Variants in MAP2 observed in about 807,000 individuals in gnomAD.
The protein encoded by MAP2 is microtubule associated protein 2.
MAP2 carries 14 observed loss-of-function variants against 137.6 expected under a neutral mutation model. The ratio of observed to expected loss-of-function variants is 0.10; its 90% CI spans 0.07 to 0.16. MAP2 has a LOEUF of 0.16. Ranked by LOEUF, MAP2 falls within the 10% of genes least tolerant of loss-of-function variation. The pLI is 1.00. For synonymous variants in MAP2, 786 were observed against 782.3 expected, an observed-to-expected ratio of 1.00 and a Z score of -0.08; for missense variants, 2,088 against 2,191.5, an observed-to-expected ratio of 0.95 and a Z score of 0.94.
rs532389821 is a variant in MAP2 at position 209,569,324 on chromosome 2, G to C, written c.-171-10712G>C. 6.6e-5 allele frequency among the ~76,000 whole-genome samples: 10 copies of C among 151,780 alleles called. No homozygotes were observed. In the East Asian group the frequency reaches 1.2e-3, roughly 18 times the overall value. On this transcript the variant is annotated intron_variant, in intron 2 of 15. Transcript: ENST00000682079. ...TTAATGTTTTAATTTCAGTGTTTCA[G>C]TGTTCATGCATGCATGAATGAATAT...
chr2:209,685,759 A>G (rs1008364750), intron 7 of MAP2, among the ~76,000 whole-genome samples: 4 of 152,190 alleles, frequency 2.6e-5, no homozygotes, highest in African/African-American at 4.8e-5. Context: ...TTTAAATGCT[A>G]TAGATCTGAA....
At chr2:209,714,210 A>C (rs1252343100) in intron 13 of MAP2, among the ~76,000 whole-genome samples, 2 of 152,158 alleles carry the variant, frequency 1.3e-5, no homozygotes, top group Non-Finnish European at 2.9e-5. Flanking sequence ...TCAATAAATA[A>C]ATAAATAAAT....
intron 11 of MAP2, chr2:209,704,077 G>C (rs1259163145): frequency 2.2e-6 from 1 of 453,326 alleles, no homozygotes; most frequent in East Asian, 6.9e-5. Context: ...AGTGAACATA[G>C]TTCCCAATAG....
chr2:209,531,849 G>C (rs887492723), intron 2 of MAP2, among the ~76,000 whole-genome samples: 41 of 152,096 alleles, frequency 2.7e-4, no homozygotes, highest in African/African-American at 9.9e-4. Flanking sequence ...AGACTCCTAA[G>C]GGAAGGATCT....
chr2:209,719,816 T>C (rs1292631506), intron 13 of MAP2, among the ~76,000 whole-genome samples: 1 of 152,232 alleles, frequency 6.6e-6, no homozygotes, highest in East Asian at 1.9e-4. Context: ...CATTAACCTA[T>C]GCTTATACAA....
intron 2 of MAP2, among the ~76,000 whole-genome samples, chr2:209,550,628 G>T (rs2068978579): frequency 6.6e-6 from 1 of 152,022 alleles, no homozygotes; most frequent in Non-Finnish European, 1.5e-5. Context: ...AGCTGAATGT[G>T]TAAAAAATGT....
intron 3 of MAP2, among the ~76,000 whole-genome samples, chr2:209,599,656 C>T (rs747113459): frequency 1.3e-5 from 2 of 152,036 alleles, no homozygotes; most frequent in Non-Finnish European, 2.9e-5. Context: ...GCCTTCTTGT[C>T]AACAGAACAG....
At chr2:209,510,944 A>G (rs1424657639) in intron 2 of MAP2, among the ~76,000 whole-genome samples, 1 of 152,058 alleles carries the variant, frequency 6.6e-6, no homozygotes, top group Non-Finnish European at 1.5e-5. Context: ...GGAATGGGAC[A>G]AGGGAGACAT....
intron 1 of MAP2, among the ~76,000 whole-genome samples, chr2:209,454,202 A>G (rs1559181730): frequency 6.6e-6 from 1 of 150,656 alleles, no homozygotes; most frequent in Non-Finnish European, 1.5e-5. Context: ...TAATGCAATT[A>G]GCTCAGCCCA....
intron 3 of MAP2, among the ~76,000 whole-genome samples, chr2:209,596,053 A>G (rs970580439): frequency 6.6e-6 from 1 of 152,200 alleles, no homozygotes; most frequent in Non-Finnish European, 1.5e-5. Context: ...ATGTATACCT[A>G]TGTAACAAAC....
intron 5 of MAP2, among the ~76,000 whole-genome samples, chr2:209,671,080 C>G (rs181080336): frequency 6.6e-6 from 1 of 151,892 alleles, no homozygotes; most frequent in Admixed American, 6.6e-5. Context: ...GCATTTTTCC[C>G]CATAAACCAA....
chr2:209,436,964 A>T (rs2149356801), intron 1 of MAP2, among the ~76,000 whole-genome samples: 1 of 151,806 alleles, frequency 6.6e-6, no homozygotes, highest in African/African-American at 2.4e-5. Flanking sequence ...TTTTCATCAG[A>T]GATCTACTTT....
At chr2:209,667,532 T>G (rs2153654070) in intron 5 of MAP2, among the ~76,000 whole-genome samples, 1 of 152,152 alleles carries the variant, frequency 6.6e-6, no homozygotes, top group East Asian at 1.9e-4. Flanking sequence ...CATGAAATAC[T>G]GACATTGTAA....
Position 209,730,283 on chromosome 2 carries a change from A to T in MAP2, c.5370A>T (p.Ser1790=), listed in dbSNP as rs1584848624. ...TQSPGRSSVA[S]PRRLSNVSSS... Reference sequence around the variant, plus strand: ...CCCCAGGCAGATCCAGCGTGGCATCACCCCGACGACTCAGCAATGTCTCCT... The same window carrying T: ...CCCCAGGCAGATCCAGCGTGGCATCTCCCCGACGACTCAGCAATGTCTCCT... The change falls in exon 16 of 16, where the codon TCA becomes TCT. Residue 1790 remains serine (S), a synonymous_variant. Transcript: ENST00000682079. The T allele has an allele frequency of 6.2e-7, 1 of 1,613,950 alleles. No individual in the cohort carries two copies.
intron 3 of MAP2, among the ~76,000 whole-genome samples, chr2:209,612,767 G>A (rs1259451388): frequency 2.0e-5 from 3 of 152,164 alleles, no homozygotes; most frequent in Non-Finnish European, 4.4e-5. Flanking sequence ...TTTTGGTCAT[G>A]AGTCAACTTC....
At chr2:209,547,902 ACAGT>A (rs2068402309) in intron 2 of MAP2, among the ~76,000 whole-genome samples, 2 of 152,338 alleles carry the variant, frequency 1.3e-5, no homozygotes, top group African/African-American at 4.8e-5. Flanking sequence ...ATGCTACAAT[ACAGT>A]CAGTCTTTTT....
intron 2 of MAP2, among the ~76,000 whole-genome samples, chr2:209,577,748 T>C (rs112251657): frequency 0.011 from 1,655 of 152,150 alleles, 31 homozygotes; most frequent in African/African-American, 0.037. Context: ...CTTGCAGAAA[T>C]AATGAGGCCA....
intron 3 of MAP2, among the ~76,000 whole-genome samples, chr2:209,614,961 G>C (rs1362303421): frequency 6.6e-6 from 1 of 152,160 alleles, no homozygotes; most frequent in African/African-American, 2.4e-5. Flanking sequence ...GCTAAAAGTA[G>C]ATTTGTCAGA....
intron 2 of MAP2, among the ~76,000 whole-genome samples, chr2:209,566,676 A>G (rs1375552297): frequency 6.6e-6 from 1 of 151,944 alleles, no homozygotes; most frequent in Non-Finnish European, 1.5e-5. Flanking sequence ...TTTCTGTGCT[A>G]TTTTATCATC....
Sources: allele counts gnomAD v4.1 joint callset (sites outside exome capture counted in the v4.1 genomes callset), GRCh38; gene constraint gnomAD v4.1.1; transcripts MANE v1.5; gene names NCBI Gene and HGNC (gene_info 2026-07-23, HGNC 2026-07-21).